LRRC9: variants seen among roughly 807,000 people sequenced by gnomAD.
The protein encoded by LRRC9 is leucine rich repeat containing 9, also known as leucine-rich repeat-containing protein 9.
Under a neutral mutation model 63.2 loss-of-function variants are expected in LRRC9, and 122 were observed. That is an observed-to-expected ratio of 1.93 (90% CI 1.67 to 2.24). The LOEUF (loss-of-function observed/expected upper bound fraction) is 2.24, where lower values mean the gene tolerates loss of function less well. LRRC9 is among the 30% of genes most tolerant of loss of function. The probability of loss-of-function intolerance (pLI) is 0.00; values close to 1 mark genes in which losing one functional copy is unlikely to be tolerated. For missense variants in LRRC9, 1,071 were observed against 627.7 expected, an observed-to-expected ratio of 1.71 and a Z score of -7.55; for synonymous variants, 366 against 213.1, an observed-to-expected ratio of 1.72 and a Z score of -6.25.
intron 23 of LRRC9, among the ~76,000 whole-genome samples, chr14:60,016,454 C>A (rs1890693521): frequency 2.0e-5 from 3 of 152,110 alleles, no homozygotes; most frequent in Admixed American, 2.0e-4. Context: ...AATCCTCCCA[C>A]CTTGGCCTCC....
chr14:60,061,655 A>G (rs1308826035), intron 31 of LRRC9, among the ~76,000 whole-genome samples: 2 of 152,218 alleles, frequency 1.3e-5, no homozygotes, highest in South Asian at 4.1e-4. Flanking sequence ...ATGCGCTGAA[A>G]AAGTCCTACA....
chr14:59,982,124 T>C (rs1032618087), intron 16 of LRRC9, 64 bp downstream of exon 16: 2 of 652,122 alleles, frequency 3.1e-6, no homozygotes, highest in Non-Finnish European at 2.7e-6. Context: ...GAATCTAGCA[T>C]ATGAAGTCAA....
In LRRC9 at chr14:59,975,302, A is replaced by G. The variant is rs533067290; in HGVS notation, c.1639+594A>G. Reference sequence around the variant, plus strand: ...GGCCTTATTTGTCCTGAATCATCATAATTTAAGATGATAAGAAAACCTGGG... The same window carrying G: ...GGCCTTATTTGTCCTGAATCATCATGATTTAAGATGATAAGAAAACCTGGG... On this transcript the variant is annotated intron_variant, in intron 13 of 31. Transcript: ENST00000445360. 5.1e-4 allele frequency among the ~76,000 whole-genome samples: 77 copies of G among 151,124 alleles called. 2 individuals carry two copies. The highest frequency in any genetic ancestry group is 1.7e-3 in the African/African-American group (71 of 41,186).
At position 60,060,254 on chromosome 14, in the gene LRRC9, G is replaced by A. The variant is rs1278079526; in HGVS notation, c.4276+2232G>A. ...TGTTGAGACCCAGTGCTGAGAAACA[G>A]ATTGCTTTCCAAAGACTACTGCTCA... On this transcript the variant is annotated intron_variant, in intron 31 of 31. Transcript: ENST00000445360. The surrounding 1 kb of genome is among the most constrained non-coding windows in gnomAD (Gnocchi z 4.0). Among the ~76,000 whole-genome samples, 3 of 152,174 alleles carry A rather than the reference G, an allele frequency of 2.0e-5. No individual in the cohort carries two copies. Among genetic ancestry groups the A allele is most frequent in the Non-Finnish European group, 4.4e-5 (3 of 68,034 alleles).
In LRRC9 at chr14:60,031,846, T is replaced by A. The variant is rs544642588; in HGVS notation, c.3922-149T>A. 4.7e-5 allele frequency: 27 copies of A among 572,336 alleles called. No individual in the cohort carries two copies. Among genetic ancestry groups the A allele is most frequent in the Non-Finnish European group, 8.0e-5 (26 of 324,084 alleles). The allele number at this position is 572,336 out of a possible 1,614,324, so 35.5% of individuals were successfully genotyped here. On this transcript the variant is annotated intron_variant, in intron 28 of 31. Coordinates refer to ENST00000445360, the Ensembl canonical transcript of LRRC9. The surrounding 1 kb of genome is among the most constrained non-coding windows in gnomAD (Gnocchi z 4.6). ...ACACAGCTCTGCCTTTATTCAAGAA[T>A]ACAGAATACTGTCACTCAAGCTCAC...
In LRRC9 at chr14:59,923,987, G is replaced by C. The variant is rs1174044739; in HGVS notation, c.-33-3924G>C. ...CAACAAAAAACAGATACTCGTGCAG[G>C]AATAGTCAGAGCTAATGAAAAACAC... On this transcript the variant is annotated intron_variant, in intron 1 of 31. Transcript: ENST00000445360. The surrounding 1 kb of genome is among the most constrained non-coding windows in gnomAD (Gnocchi z 4.2). Among the ~76,000 whole-genome samples, 1 of 152,120 alleles carries C rather than the reference G, an allele frequency of 6.6e-6. No individual in the cohort carries two copies. The highest frequency in any genetic ancestry group is 2.4e-5 in the African/African-American group (1 of 41,418).
At chr14:59,939,539 C>A (rs1881531662) in intron 7 of LRRC9, among the ~76,000 whole-genome samples, 1 of 151,896 alleles carries the variant, frequency 6.6e-6, no homozygotes, top group African/African-American at 2.4e-5. Context: ...ATTCCAGTAA[C>A]TTAGATGAGC....
At chr14:59,924,297 A>G (rs1487727714) in intron 1 of LRRC9, among the ~76,000 whole-genome samples, 5 of 152,176 alleles carry the variant, frequency 3.3e-5, no homozygotes, top group Admixed American at 6.5e-5. Flanking sequence ...GCACTATTCA[A>G]ATAAACCTGG....
intron 29 of LRRC9, among the ~76,000 whole-genome samples, chr14:60,052,855 A>G (rs908886708): frequency 6.6e-6 from 1 of 152,194 alleles, no homozygotes; most frequent in Non-Finnish European, 1.5e-5. Flanking sequence ...AGGAGGCTGA[A>G]CCTCTAAATG....
At chr14:60,044,234 AT>A (rs1245658649) in intron 29 of LRRC9, among the ~76,000 whole-genome samples, 1 of 151,544 alleles carries the variant, frequency 6.6e-6, no homozygotes, top group African/African-American at 2.4e-5. Flanking sequence ...TTTTGTTTAT[AT>A]TTTGAAAAAG....
chr14:59,970,155 C>A (rs111808258), intron 12 of LRRC9, among the ~76,000 whole-genome samples: 1 of 147,302 alleles, frequency 6.8e-6, no homozygotes, highest in Non-Finnish European at 1.5e-5. Context: ...TGTTGTTCCT[C>A]TTTATGTGTT....
chr14:59,957,843 C>T (rs4439677), intron 8 of LRRC9, among the ~76,000 whole-genome samples: 2,176 of 152,202 alleles, frequency 0.014, 55 homozygotes, highest in East Asian at 0.059. Context: ...TCATCTTGAT[C>T]TTGTTGCTTT....
chr14:59,978,322 A>C (rs1447185662), intron 15 of LRRC9, among the ~76,000 whole-genome samples, 190 bp downstream of exon 15: 1 of 152,232 alleles, frequency 6.6e-6, no homozygotes, highest in Non-Finnish European at 1.5e-5. Flanking sequence ...CAAATGATTA[A>C]TATATGGCTG....
intron 29 of LRRC9, among the ~76,000 whole-genome samples, chr14:60,037,744 T>C (rs1408294632): frequency 6.6e-6 from 1 of 152,218 alleles, no homozygotes; most frequent in Non-Finnish European, 1.5e-5. Context: ...GTAGTTTCTT[T>C]CGCTGTGCAG....
chr14:59,955,811 CTG>C (rs1423329286), intron 8 of LRRC9, among the ~76,000 whole-genome samples: 5 of 152,152 alleles, frequency 3.3e-5, no homozygotes, highest in Non-Finnish European at 7.4e-5. Context: ...ACTGCTGTAG[CTG>C]TGTCCCAGAG....
rs754193307 is a variant in LRRC9, at chr14:59,938,373, C to A, written c.544-17C>A. ...ACAGTCACAATTAACTGAACATTAT[C>A]TTTGCTGGCATTTTAGGAACTCACG... On this transcript the variant is annotated splice_polypyrimidine_tract_variant and intron_variant, in intron 6 of 31. Transcript: ENST00000445360. The surrounding 1 kb of genome is among the most constrained non-coding windows in gnomAD (Gnocchi z 4.2). 7 of 670,454 alleles carry A rather than the reference C, an allele frequency of 1.0e-5. No homozygotes were observed. Among genetic ancestry groups the A allele is most frequent in the Admixed American group, 8.8e-5 (4 of 45,472 alleles). The allele number at this position is 670,454 out of a possible 1,614,324, so 41.5% of individuals were successfully genotyped here.
chr14:60,062,658 C>A (rs1894726709), intron 31 of LRRC9, among the ~76,000 whole-genome samples: 1 of 152,146 alleles, frequency 6.6e-6, no homozygotes, highest in African/African-American at 2.4e-5. Context: ...TGAATCTAGC[C>A]CTAGAGCCTA....
intron 27 of LRRC9, among the ~76,000 whole-genome samples, chr14:60,026,248 A>G (rs1470079948): frequency 6.6e-6 from 1 of 151,942 alleles, no homozygotes; most frequent in Non-Finnish European, 1.5e-5. Context: ...AAGACATTCT[A>G]CCCCTTTCTC....
chr14:60,013,770 C>A (rs1890448799), intron 23 of LRRC9, among the ~76,000 whole-genome samples: 1 of 152,074 alleles, frequency 6.6e-6, no homozygotes, highest in African/African-American at 2.4e-5. Flanking sequence ...TTTTTCCATT[C>A]TTTTACTTTC....
Sources: gnomAD v4.1 joint callset for allele counts (sites outside exome capture counted in the v4.1 genomes callset) on GRCh38, gnomAD v4.1.1 for gene constraint, Gnocchi (gnomAD v3.1) non-coding constraint, MANE v1.5 for transcripts, NCBI Gene and HGNC (gene_info 2026-07-23, HGNC 2026-07-21) for gene names.